Variants in KCNN2 observed in about 807,000 individuals in gnomAD.
KCNN2 encodes potassium calcium-activated channel subfamily N member 2.
A neutral mutation model predicts 55.5 loss-of-function variants in KCNN2; 24 were observed. That is an observed-to-expected ratio of 0.43 (90% confidence interval 0.31 to 0.61). The LOEUF (loss-of-function observed/expected upper bound fraction) is 0.61, where lower values mean the gene tolerates loss of function less well. Among genes scored for constraint, KCNN2 ranks in the 20% least tolerant of loss-of-function variants. The probability of loss-of-function intolerance (pLI) is 0.08; values close to 1 mark genes in which losing one functional copy is unlikely to be tolerated. For synonymous variants in KCNN2, 431 were observed against 336.1 expected, an observed-to-expected ratio of 1.28 and a Z score of -3.09; for missense variants, 754 against 853.6, an observed-to-expected ratio of 0.88 and a Z score of 1.45.
At chr5:114,484,471 TA>T (rs978898463) in intron 5 of KCNN2, among the ~76,000 whole-genome samples, 9 of 151,914 alleles carry the variant, frequency 5.9e-5, no homozygotes, top group East Asian at 1.9e-4. Flanking sequence ...TTTATATAAA[TA>T]AAAAAAATGA....
chr5:114,352,116 G>T lies in KCNN2; in HGVS notation c.-184-8829G>T, dbSNP rs1024181202. Among the ~76,000 whole-genome samples the T allele has an allele frequency of 1.3e-4, 19 of 151,618 alleles. No individual in the cohort carries two copies. In the South Asian group the frequency reaches 3.5e-3, roughly 28 times the overall value. On this transcript the variant is annotated intron_variant, in intron 2 of 10. Coordinates refer to the KCNN2 transcript ENST00000512097. The stretch of plus-strand genomic sequence containing the variant: ...AATACAATTACTTTACTTTGTACAG[G>T]CCCATTCAAATTTTCTACTTAATCA...
chr5:114,157,750 T>C lies in KCNN2; in HGVS notation c.-270-63730T>C, dbSNP rs1462533756. Among the ~76,000 whole-genome samples, 3 of 152,326 alleles carry C rather than the reference T, an allele frequency of 2.0e-5. No individual in the cohort carries two copies. The East Asian group carries it at 5.8e-4, about 29-fold the overall frequency. On this transcript the variant is annotated intron_variant, in intron 1 of 10. Transcript: ENST00000512097. ...ATGGTTTTGATTTGCATTTGTCTGA[T>C]GGCCAGTGATGATGAGCATTTTTTC...
intron 1 of KCNN2, among the ~76,000 whole-genome samples, chr5:114,204,254 T>A (rs1236439044): frequency 6.6e-6 from 1 of 152,186 alleles, no homozygotes; most frequent in African/African-American, 2.4e-5. Flanking sequence ...TTGCACTGTT[T>A]ATGTCCACAT....
intron 6 of KCNN2, among the ~76,000 whole-genome samples, chr5:114,491,509 CTTTT>C (rs11295961): frequency 9.1e-6 from 1 of 109,682 alleles, no homozygotes. Context: ...TCTGCTTTTT[CTTTT>C]TTTTTTTTTT....
chr5:114,459,378 A>C (rs931813199), intron 3 of KCNN2, among the ~76,000 whole-genome samples: 3 of 152,220 alleles, frequency 2.0e-5, no homozygotes, highest in Non-Finnish European at 4.4e-5. Context: ...TTCTCCTTGT[A>C]GAGAAGGTTG....
chr5:114,093,410 T>A (rs554099521), intron 1 of KCNN2, among the ~76,000 whole-genome samples: 1 of 152,320 alleles, frequency 6.6e-6, no homozygotes, highest in African/African-American at 2.4e-5. Context: ...CCCTCCAAAC[T>A]GTTCCAGCCT....
rs188964533 is a variant in KCNN2, at chr5:114,342,447, G to A, written c.-184-18498G>A. Among the ~76,000 whole-genome samples the A allele has an allele frequency of 6.3e-3, 945 of 150,574 alleles. 9 individuals are homozygous for A. Among genetic ancestry groups the A allele is most frequent in the Middle Eastern group, 0.017 (5 of 292 alleles). The stretch of plus-strand genomic sequence containing the variant: ...GTCATGCAAGCCATATGGTGTGTGC[G>A]TATTGGAGGTAGGGTTGATGATTAT... On this transcript the variant is annotated intron_variant, in intron 2 of 10. Coordinates refer to the KCNN2 transcript ENST00000512097.
chr5:114,381,092 A>T (rs944394911), intron 2 of KCNN2, among the ~76,000 whole-genome samples: 1 of 152,196 alleles, frequency 6.6e-6, no homozygotes, highest in African/African-American at 2.4e-5. Context: ...AAGAATGTGG[A>T]TAAAATAACC....
intron 4 of KCNN2, among the ~76,000 whole-genome samples, chr5:114,463,977 C>T (rs1479179849): frequency 6.6e-6 from 1 of 152,050 alleles, no homozygotes; most frequent in Non-Finnish European, 1.5e-5. Context: ...GTCATTGGGC[C>T]AGGAGTACAC....
chr5:114,397,819 C>T (rs1348565852), intron 2 of KCNN2, among the ~76,000 whole-genome samples: 1 of 152,140 alleles, frequency 6.6e-6, no homozygotes. Context: ...TTGTTGGCTG[C>T]ATGTATGCCT....
intron 1 of KCNN2, among the ~76,000 whole-genome samples, chr5:114,130,630 T>C (rs7708234): frequency 0.38 from 57,253 of 151,924 alleles, 10,800 homozygotes; most frequent in Admixed American, 0.42. Flanking sequence ...TAGTCTGTTT[T>C]TGTGCCTATA....
At chr5:114,390,249 C>G (rs1258369816) in intron 2 of KCNN2, among the ~76,000 whole-genome samples, 2 of 152,118 alleles carry the variant, frequency 1.3e-5, no homozygotes, top group Non-Finnish European at 2.9e-5. Context: ...TGAGGCCTTA[C>G]CAGGCTTATT....
intron 2 of KCNN2, among the ~76,000 whole-genome samples, chr5:114,322,897 T>C (rs564114008): frequency 6.6e-5 from 10 of 152,194 alleles, no homozygotes; most frequent in Non-Finnish European, 1.5e-4. Context: ...TACAGATTAT[T>C]TCATCACCCA....
intron 2 of KCNN2, among the ~76,000 whole-genome samples, chr5:114,256,966 A>G (rs977551554): frequency 6.6e-6 from 1 of 151,888 alleles, no homozygotes; most frequent in African/African-American, 2.4e-5. Context: ...GATTTTCCTA[A>G]GTTTTCTTCT....
intron 1 of KCNN2, among the ~76,000 whole-genome samples, chr5:114,213,236 T>C (rs1753926306): frequency 6.6e-6 from 1 of 152,060 alleles, no homozygotes; most frequent in African/African-American, 2.4e-5. Context: ...GTCACAAAGT[T>C]TTGTTATAGA....
intron 1 of KCNN2, among the ~76,000 whole-genome samples, chr5:114,147,326 A>G (rs1752419448): frequency 2.6e-5 from 4 of 152,132 alleles, no homozygotes; most frequent in Admixed American, 2.6e-4. Flanking sequence ...GGATGTAGAA[A>G]AGGCATTTTT....
In KCNN2 at chr5:114,241,824, G is replaced by GTATA. The variant is rs70976327; in HGVS notation, c.-185+20277_-185+20280dup. ...TATATACGTATATATATATATGTGT[G>GTATA]TATATATATATATATATATATGGAG... On this transcript the variant is annotated intron_variant, in intron 2 of 10. Transcript: ENST00000512097. Among the ~76,000 whole-genome samples the GTATA allele has an allele frequency of 1.5e-3, 48 of 31,952 alleles. 11 individuals are homozygous for GTATA. Among genetic ancestry groups the GTATA allele is most frequent in the African/African-American group, 4.0e-3 (36 of 9,104 alleles). The allele number at this position is 31,952 out of a possible 152,430, so 21.0% of individuals were successfully genotyped here.
At chr5:114,393,191 C>T (rs925205182) in intron 2 of KCNN2, among the ~76,000 whole-genome samples, 10 of 151,998 alleles carry the variant, frequency 6.6e-5, no homozygotes, top group Non-Finnish European at 1.5e-4. Context: ...TCCACAGAAC[C>T]TTACAAATAG....
At chr5:114,195,444 A>T (rs1201167154) in intron 1 of KCNN2, among the ~76,000 whole-genome samples, 2 of 151,832 alleles carry the variant, frequency 1.3e-5, no homozygotes, top group African/African-American at 4.8e-5. Flanking sequence ...ACTCCTTTTG[A>T]TGTTATTGTA....
Sources: allele counts gnomAD v4.1 joint callset (sites outside exome capture counted in the v4.1 genomes callset), GRCh38; gene constraint gnomAD v4.1.1; transcripts MANE v1.5; gene names NCBI Gene and HGNC (gene_info 2026-07-23, HGNC 2026-07-21).